JAKMIP3: variants seen among roughly 807,000 people sequenced by gnomAD.
JAKMIP3 encodes Janus kinase and microtubule interacting protein 3.
Under a neutral mutation model 118.5 loss-of-function variants are expected in JAKMIP3, and 58 were observed. The ratio of observed to expected loss-of-function variants is 0.49; its 90% CI spans 0.40 to 0.61. The LOEUF is 0.61. JAKMIP3 is among the 20% of genes least tolerant of loss of function. The pLI is 0.00. For synonymous variants in JAKMIP3, 486 were observed against 451.2 expected (o/e 1.08, Z -0.98); for missense variants, 950 against 1,109.0 (o/e 0.86, Z 2.04).
intron 9 of JAKMIP3, among the ~76,000 whole-genome samples, chr10:132,138,579 A>G (rs1338360007): frequency 6.6e-6 from 1 of 152,224 alleles, no homozygotes; most frequent in East Asian, 1.9e-4. Flanking sequence ...GTTACTGTGA[A>G]ATGACCAAAA....
chr10:132,135,367 CT>C (rs1003873488), intron 5 of JAKMIP3, among the ~76,000 whole-genome samples: 3 of 152,208 alleles, frequency 2.0e-5, no homozygotes, highest in African/African-American at 7.2e-5. Context: ...GGCTGGTTGA[CT>C]AACCCCTGCT....
chr10:132,041,159 G>C (rs536085234), intron 1 of JAKMIP3, among the ~76,000 whole-genome samples: 10 of 152,142 alleles, frequency 6.6e-5, no homozygotes, highest in Non-Finnish European at 1.3e-4. Context: ...GGGGTCAAGC[G>C]ACTCTCATGC....
At chr10:132,136,629 C>T in intron 6 of JAKMIP3, among the ~76,000 whole-genome samples, 1 of 152,240 alleles carries the variant, frequency 6.6e-6, no homozygotes, top group East Asian at 1.9e-4. Context: ...CCTTACCCCT[C>T]TCTATGGAAG....
rs1372123506 is a variant in JAKMIP3, at chr10:132,173,699, CTGTGGTATGTTCATGGTGGTGTGTG to C, written c.*1103+4673_*1103+4697del. Among the ~76,000 whole-genome samples the C allele has an allele frequency of 3.2e-3, 411 of 130,100 alleles. 1 individual carries two copies. The highest frequency in any genetic ancestry group is 4.9e-3 in the Non-Finnish European group (271 of 55,748). 85.4% of individuals were successfully genotyped at this position (130,100 alleles called of 152,430 possible). ...TATGCTTGTGGTGGTGTGTGGTGGC[CTGTGGTATGTTCATGGTGGTGTGTG>C]TGTGGTGTGTCTGTGGTGGTCTGTG... On this transcript the variant is annotated intron_variant, in intron 23 of 23. Coordinates refer to ENST00000684848, the MANE Select transcript of JAKMIP3 (RefSeq NM_001323087.2).
At chr10:132,101,308 C>T (rs2001751) in intron 1 of JAKMIP3, among the ~76,000 whole-genome samples, 2 of 152,024 alleles carry the variant, frequency 1.3e-5, no homozygotes, top group African/African-American at 4.8e-5. Context: ...CTGTGATTGC[C>T]CCGCTGCTCT....
At chr10:132,091,753 A>T (rs1486197888) in intron 1 of JAKMIP3, among the ~76,000 whole-genome samples, 1 of 152,154 alleles carries the variant, frequency 6.6e-6, no homozygotes, top group African/African-American at 2.4e-5. Flanking sequence ...TTTTCATTGG[A>T]GCATTTAGCC....
At chr10:132,167,598 C>T (rs1331451173) in intron 22 of JAKMIP3, among the ~76,000 whole-genome samples, 2 of 152,186 alleles carry the variant, frequency 1.3e-5, no homozygotes, top group Admixed American at 6.5e-5. Context: ...ATGGCTGCCT[C>T]CTTCCAAACT....
chr10:132,137,391 G>A (rs2052021671), intron 8 of JAKMIP3, 102 bp downstream of exon 8: 17 of 1,428,864 alleles, frequency 1.2e-5, no homozygotes, highest in East Asian at 2.3e-5. Flanking sequence ...AGACAGAAGC[G>A]GCCGCGGCAG....
At chr10:132,144,812 C>A in intron 11 of JAKMIP3, 1 of 301,626 alleles carries the variant, frequency 3.3e-6, no homozygotes, top group South Asian at 4.5e-5. Flanking sequence ...ACCTGTGGTC[C>A]CAGTTACTCA....
intron 9 of JAKMIP3, among the ~76,000 whole-genome samples, chr10:132,139,255 T>TGA (rs3077809): frequency 0.095 from 13,746 of 144,728 alleles, 1,630 homozygotes; most frequent in Middle Eastern, 0.18. Flanking sequence ...TGTGTATGTG[T>TGA]GTGTGTGTAT....
At chr10:132,138,836 C>T (rs926831375) in intron 9 of JAKMIP3, among the ~76,000 whole-genome samples, 2 of 152,222 alleles carry the variant, frequency 1.3e-5, no homozygotes, top group African/African-American at 4.8e-5. Context: ...ACCCCACGCT[C>T]GCCTGTCCTG....
At chr10:132,048,590 GGT>G (rs143912869) in intron 1 of JAKMIP3, among the ~76,000 whole-genome samples, 18 of 151,720 alleles carry the variant, frequency 1.2e-4, no homozygotes, top group Admixed American at 2.6e-4. Flanking sequence ...ATGGTTTTGC[GGT>G]GTGTGTGTGT....
At chr10:132,066,159 T>C (rs570646906) in intron 1 of JAKMIP3, among the ~76,000 whole-genome samples, 98 bp downstream of exon 1, 4 of 152,350 alleles carry the variant, frequency 2.6e-5, no homozygotes, top group African/African-American at 9.6e-5. Flanking sequence ...CTGTATTTAG[T>C]GCGCACACGT....
At chr10:132,090,706 C>T (rs2042986854) in intron 1 of JAKMIP3, among the ~76,000 whole-genome samples, 1 of 152,214 alleles carries the variant, frequency 6.6e-6, no homozygotes, top group South Asian at 2.1e-4. Flanking sequence ...CTATCTCCTT[C>T]AATTCTGCTC....
At chr10:132,158,962 G>GT (rs1351616995) in intron 19 of JAKMIP3, among the ~76,000 whole-genome samples, 1 of 100,590 alleles carries the variant, frequency 9.9e-6, no homozygotes, top group East Asian at 3.3e-4. Context: ...CTCTCGCTGT[G>GT]TGATGCTGGG....
chr10:132,175,579 G>T (rs1189663055), intron 23 of JAKMIP3, among the ~76,000 whole-genome samples: 1 of 152,170 alleles, frequency 6.6e-6, no homozygotes. Context: ...GCCACTCAGG[G>T]TCTGGAAGCT....
chr10:132,149,474 C>G lies in JAKMIP3; in HGVS notation c.1911C>G (p.Ser637Arg), dbSNP rs1277902926. Residue 637 changes from serine to arginine, a missense_variant, in exon 15 of 24, where the codon AGC becomes AGG. Ser to Arg is a moderately radical substitution (Grantham distance 110). Transcript: ENST00000684848. ...ACACGCCCTTCGTGGACGGGAAGAG[C>G]CCCCTCCAGGTGTACTGCGAGGCCG... Reference protein sequence around the residue: ...FHHTPFVDGKSPLQVYCEAEG... With the variant: ...FHHTPFVDGKRPLQVYCEAEG... 19 of 1,603,818 alleles carry G rather than the reference C, an allele frequency of 1.2e-5. No homozygotes were observed. The highest frequency in any genetic ancestry group is 1.1e-4 in the African/African-American group (8 of 74,244).
Position 132,153,904 on chromosome 10 carries a change from G to C in JAKMIP3, c.2143-9G>C, listed in dbSNP as rs2056663394. On this transcript the variant is annotated splice_polypyrimidine_tract_variant and intron_variant, in intron 18 of 23. Transcript: ENST00000684848. The stretch of plus-strand genomic sequence containing the variant: ...TCCGAGACCGAGGCATGGCCCTCCT[G>C]TGTTTCAGGAGCTGTTCAGTAAGCA... 3 of 1,613,160 alleles carry C rather than the reference G, an allele frequency of 1.9e-6. 1 individual carries two copies. The Admixed American group carries it at 5.0e-5, about 27-fold the overall frequency.
At chr10:132,084,545 A>G (rs1023300820) in intron 1 of JAKMIP3, among the ~76,000 whole-genome samples, 4 of 152,000 alleles carry the variant, frequency 2.6e-5, no homozygotes, top group Admixed American at 1.3e-4. Context: ...CCCTTGTCTG[A>G]TTGCTCTGGC....
Sources: gnomAD v4.1 joint callset for allele counts (sites outside exome capture counted in the v4.1 genomes callset) on GRCh38, gnomAD v4.1.1 for gene constraint, MANE v1.5 for transcripts, NCBI Gene and HGNC (gene_info 2026-07-23, HGNC 2026-07-21) for gene names.